BMPER: variants seen among roughly 807,000 people sequenced by gnomAD.
BMPER encodes the protein BMP binding endothelial regulator.
A neutral mutation model predicts 87.3 loss-of-function variants in BMPER; 45 were observed. The observed-to-expected ratio is 0.52, with a 90% CI of 0.41 to 0.66. BMPER has a LOEUF of 0.66. Among genes scored for constraint, BMPER ranks in the 30% least tolerant of loss-of-function variants. The pLI is 0.00. For missense variants in BMPER, 784 were observed against 867.5 expected (o/e 0.90, Z 1.21); for synonymous variants, 326 against 316.2 (o/e 1.03, Z -0.33).
chr7:34,063,634 A>G (rs985601167), intron 11 of BMPER, among the ~76,000 whole-genome samples: 3 of 152,226 alleles, frequency 2.0e-5, no homozygotes, highest in African/African-American at 7.2e-5. Context: ...CAGGAAGACA[A>G]ATTAGCTATG....
At chr7:34,008,778 T>A (rs1379233461) in intron 6 of BMPER, among the ~76,000 whole-genome samples, 2 of 151,968 alleles carry the variant, frequency 1.3e-5, no homozygotes, top group Non-Finnish European at 2.9e-5. Flanking sequence ...TTCATATAGA[T>A]AGCATCTTGT....
At chr7:33,975,148 A>G (rs2128619890) in intron 6 of BMPER, among the ~76,000 whole-genome samples, 1 of 152,324 alleles carries the variant, frequency 6.6e-6, no homozygotes, top group East Asian at 1.9e-4. Context: ...GCTCTGAAGC[A>G]TGAGGGAGAG....
rs367821838 is a variant in BMPER at position 33,905,702 on chromosome 7, A to G, written c.89A>G (p.Asn30Ser). The G allele has an allele frequency of 2.5e-5, 39 of 1,551,710 alleles. No individual in the cohort carries two copies. The highest frequency in any genetic ancestry group is 1.7e-4 in the Middle Eastern group (1 of 5,812). ...GITCCVLLLL[N>S]CSGVPMSLAS... ...ACGTGCTGCGTCTTGCTGCTACTCA[A>G]TTGCTCGGGGGTCCCCATGTCTCTG... is the stretch of plus-strand genomic sequence containing the variant. The change falls in exon 1 of 15, where the codon AAT (asparagine) becomes AGT (serine). Residue 30 changes from asparagine to serine, a missense_variant. Physicochemically the swap from Asn to Ser is conservative, Grantham distance 46. Coordinates refer to ENST00000649409, the MANE Select transcript of BMPER (RefSeq NM_001365308.1).
intron 13 of BMPER, among the ~76,000 whole-genome samples, chr7:34,139,687 G>C (rs1790813647): frequency 6.6e-6 from 1 of 152,138 alleles, no homozygotes; most frequent in South Asian, 2.1e-4. Flanking sequence ...ATGACACGAT[G>C]TTGAAACACA....
chr7:33,937,806 T>C (rs1784645476), intron 3 of BMPER, among the ~76,000 whole-genome samples: 1 of 152,126 alleles, frequency 6.6e-6, no homozygotes, highest in African/African-American at 2.4e-5. Flanking sequence ...TAAGCCTGTA[T>C]TTTATCATTT....
intron 14 of BMPER, among the ~76,000 whole-genome samples, chr7:34,149,577 G>A (rs977432612): frequency 6.6e-6 from 1 of 152,096 alleles, no homozygotes; most frequent in African/African-American, 2.4e-5. Context: ...AACAATGTCG[G>A]GGGGAGATTC....
intron 6 of BMPER, among the ~76,000 whole-genome samples, chr7:33,993,446 C>G (rs947042790): frequency 2.3e-5 from 3 of 131,688 alleles, no homozygotes; most frequent in Non-Finnish European, 5.0e-5. Flanking sequence ...ACGTAGTTCT[C>G]GAGCCTTGGT....
At chr7:34,028,601 GTTTTTTTTTTTTTT>G in intron 6 of BMPER, among the ~76,000 whole-genome samples, 90 of 36,060 alleles carry the variant, frequency 2.5e-3, no homozygotes, top group East Asian at 0.011. Context: ...CATTTTTTCT[GTTTTTTTTTTTTTT>G]TTTTTTTTTT....
chr7:34,003,450 G>A (rs1022284998), intron 6 of BMPER, among the ~76,000 whole-genome samples: 3 of 151,766 alleles, frequency 2.0e-5, no homozygotes, highest in African/African-American at 7.3e-5. Flanking sequence ...CAGTTTTATA[G>A]TTTTGTATTA....
At chr7:34,009,716 C>T (rs1786828663) in intron 6 of BMPER, among the ~76,000 whole-genome samples, 1 of 151,838 alleles carries the variant, frequency 6.6e-6, no homozygotes, top group African/African-American at 2.4e-5. Flanking sequence ...GATTTAGAAA[C>T]AAAAAACTAT....
At chr7:34,073,659 G>T (rs1409880753) in intron 11 of BMPER, among the ~76,000 whole-genome samples, 1 of 152,160 alleles carries the variant, frequency 6.6e-6, no homozygotes, top group East Asian at 1.9e-4. Flanking sequence ...TATAAGCTAA[G>T]GAAGAAAATA....
At chr7:34,149,872 T>C (rs1791127821) in intron 14 of BMPER, among the ~76,000 whole-genome samples, 1 of 152,084 alleles carries the variant, frequency 6.6e-6, no homozygotes, top group Non-Finnish European at 1.5e-5. Flanking sequence ...AAGACTAGGC[T>C]AAAATGACTG....
chr7:34,059,758 A>G (rs74484016), intron 10 of BMPER, among the ~76,000 whole-genome samples: 1 of 151,480 alleles, frequency 6.6e-6, no homozygotes, highest in African/African-American at 2.4e-5. Context: ...AAAAAAAAAA[A>G]AAGAGATAGA....
chr7:34,149,470 A>G (rs1156941973), intron 14 of BMPER, among the ~76,000 whole-genome samples: 1 of 152,180 alleles, frequency 6.6e-6, no homozygotes, highest in Non-Finnish European at 1.5e-5. Flanking sequence ...TTAGACTGGG[A>G]AAAGAATCAG....
chr7:34,129,621 AG>A (rs1372478498), intron 13 of BMPER, among the ~76,000 whole-genome samples: 1 of 129,768 alleles, frequency 7.7e-6, no homozygotes, highest in African/African-American at 3.0e-5. Flanking sequence ...AGAGAGAGAG[AG>A]AGAAAGAGAG....
intron 11 of BMPER, among the ~76,000 whole-genome samples, chr7:34,068,514 CTCCGTCTT>C (rs1788654008): frequency 6.6e-6 from 1 of 152,204 alleles, no homozygotes; most frequent in Non-Finnish European, 1.5e-5. Flanking sequence ...ACTGTGGCAT[CTCCGTCTT>C]TCTGCTCAAG....
intron 6 of BMPER, among the ~76,000 whole-genome samples, chr7:34,034,988 A>G (rs1335503775): frequency 6.6e-6 from 1 of 152,194 alleles, no homozygotes; most frequent in Non-Finnish European, 1.5e-5. Flanking sequence ...CCCCCACCAC[A>G]GCTGGTGCCA....
chr7:34,035,119 C>T (rs1302752212), intron 6 of BMPER, among the ~76,000 whole-genome samples: 1 of 152,128 alleles, frequency 6.6e-6, no homozygotes, highest in Non-Finnish European at 1.5e-5. Flanking sequence ...TTTGACAAGA[C>T]CAATACCCAG....
chr7:33,931,854 T>G (rs1356111226), intron 2 of BMPER, among the ~76,000 whole-genome samples: 1 of 152,224 alleles, frequency 6.6e-6, no homozygotes, highest in Non-Finnish European at 1.5e-5. Flanking sequence ...CATCAAAATG[T>G]CCTATTTGTG....
Sources: allele counts gnomAD v4.1 joint callset (sites outside exome capture counted in the v4.1 genomes callset), GRCh38; gene constraint gnomAD v4.1.1; transcripts MANE v1.5; gene names NCBI Gene and HGNC (gene_info 2026-07-23, HGNC 2026-07-21).